The following RGR variants were observed in gnomAD, a reference collection of about 807,000 sequenced individuals.
The protein encoded by RGR is retinal G protein coupled receptor.
A neutral mutation model predicts 28.6 loss-of-function variants in RGR; 30 were observed. The ratio of observed to expected loss-of-function variants is 1.05; its 90% CI spans 0.78 to 1.42. RGR has a LOEUF of 1.42. Among genes scored for constraint, RGR ranks in the 40% most tolerant of loss-of-function variants. The pLI, the probability that RGR is intolerant of heterozygous loss-of-function variation, is 0.00. For missense variants in RGR, 404 were observed against 375.6 expected (o/e 1.08, Z -0.62); for synonymous variants, 180 against 156.4 (o/e 1.15, Z -1.13).
intron 5 of RGR, chr10:84,255,074 C>T (rs933900205): frequency 6.3e-6 from 1 of 158,458 alleles, no homozygotes; most frequent in Non-Finnish European, 1.4e-5. Flanking sequence ...CGCCCTTTAA[C>T]CTCCAATTCC....
intron 3 of RGR, 52 bp from the exon 4 acceptor site, chr10:84,252,805 T>C (rs1842834723): frequency 6.2e-7 from 1 of 1,610,214 alleles, no homozygotes; most frequent in African/African-American, 1.3e-5. Flanking sequence ...TTTCTCACTC[T>C]ATCAGGCCAT....
At chr10:84,253,317 C>A (rs1234149037) in intron 4 of RGR, among the ~76,000 whole-genome samples, 2 of 152,212 alleles carry the variant, frequency 1.3e-5, no homozygotes, top group East Asian at 3.8e-4. Flanking sequence ...CGCACCACCT[C>A]TTAGCCATCT....
chr10:84,254,248 G>A, intron 4 of RGR, 78 bp from the exon 5 acceptor site: 2 of 1,201,888 alleles, frequency 1.7e-6, no homozygotes, highest in South Asian at 2.4e-5. Context: ...GATCATCTAG[G>A]GCAGAGCTGG....
At chr10:84,250,613 G>T (rs1842804523) in intron 3 of RGR, 5 of 615,366 alleles carry the variant, frequency 8.1e-6, no homozygotes, top group South Asian at 1.9e-5. Flanking sequence ...TAATCCCTGT[G>T]CCAGAGGCCT....
At chr10:84,251,852 T>C (rs961432945) in intron 3 of RGR, among the ~76,000 whole-genome samples, 1 of 152,100 alleles carries the variant, frequency 6.6e-6, no homozygotes, top group Non-Finnish European at 1.5e-5. Context: ...GACACAAACA[T>C]TCAGTTCATA....
At chr10:84,253,795 G>C (rs934050812) in intron 4 of RGR, among the ~76,000 whole-genome samples, 3 of 152,152 alleles carry the variant, frequency 2.0e-5, no homozygotes, top group African/African-American at 7.2e-5. Flanking sequence ...CCCCTCCCTG[G>C]TGGACGGCTC....
At chr10:84,254,473 A>G (rs1344466602) in intron 5 of RGR, 30 bp downstream of exon 5, 1 of 1,562,776 alleles carries the variant, frequency 6.4e-7, no homozygotes, top group Admixed American at 1.7e-5. Context: ...GTGTTATCTG[A>G]TGGTGCAGCG....
chr10:84,255,619 C>T (rs572950910), intron 5 of RGR, among the ~76,000 whole-genome samples: 1 of 152,014 alleles, frequency 6.6e-6, no homozygotes, highest in South Asian at 2.1e-4. Flanking sequence ...CCTGGATGAC[C>T]TCTAGCAAAG....
intron 5 of RGR, among the ~76,000 whole-genome samples, chr10:84,257,229 C>T (rs972951276): frequency 6.6e-6 from 1 of 152,200 alleles, no homozygotes; most frequent in Non-Finnish European, 1.5e-5. Context: ...CTTGCGCCCC[C>T]TCATGGCCCC....
At position 84,247,659 on chromosome 10, in the gene RGR, C is replaced by T; in HGVS notation, c.148C>T (p.Pro50Ser). 1 of 1,614,186 alleles carries T rather than the reference C, an allele frequency of 6.2e-7. No individual in the cohort carries two copies. The highest frequency in any genetic ancestry group is 1.7e-5 in the Admixed American group (1 of 60,024). Residue 50 changes from proline to serine, a missense_variant, in exon 2 of 7, where the codon CCC becomes TCC. By Grantham distance (74) the Pro-to-Ser change is moderately conservative. Transcript: ENST00000652092. ...CTGCAAGACCCCGGAGCTGCGGACT[C>T]CCTGCCACCTACTGGTGCTGAGCTT... ...SFCKTPELRTPCHLLVLSLAL... is the reference protein window; with the variant it reads ...SFCKTPELRTSCHLLVLSLAL...
At chr10:84,248,899 C>T (rs761607505) in intron 2 of RGR, 23 bp from the exon 3 acceptor site, 1 of 1,614,216 alleles carries the variant, frequency 6.2e-7, no homozygotes, top group South Asian at 1.1e-5. Flanking sequence ...GGAGAGGTCA[C>T]TGGTGCCCAG....
At chr10:84,248,103 T>G (rs902018728) in intron 2 of RGR, 9 of 600,142 alleles carry the variant, frequency 1.5e-5, no homozygotes, top group Non-Finnish European at 2.4e-5. Context: ...TTGGAAGTAT[T>G]TACTTCTATT....
intron 5 of RGR, 36 bp from the exon 6 acceptor site, chr10:84,257,857 A>T: frequency 6.3e-7 from 1 of 1,597,008 alleles, no homozygotes; most frequent in East Asian, 2.2e-5. Flanking sequence ...GGCCACCTGG[A>T]GCAAGCTGAC....
In RGR at chr10:84,248,982, G is replaced by T; in HGVS notation, c.297G>T (p.Ala99=). The T allele has an allele frequency of 6.2e-7, 1 of 1,614,140 alleles. No individual in the cohort carries two copies. The highest frequency in any genetic ancestry group is 8.5e-7 in the Non-Finnish European group (1 of 1,180,002). ...QAHGFQGFVT[A]LASICSSAAI... ...ACGGCTTCCAGGGCTTTGTGACAGCGTTGGCCAGCATCTGCAGCAGTGCAG... is the reference window on the plus strand; with the variant it reads ...ACGGCTTCCAGGGCTTTGTGACAGCTTTGGCCAGCATCTGCAGCAGTGCAG... Residue 99 remains alanine (A), a synonymous_variant, in exon 3 of 7, where the codon GCG becomes GCT. Transcript: ENST00000652092.
At chr10:84,250,027 G>A (rs940958989) in intron 3 of RGR, among the ~76,000 whole-genome samples, 1 of 152,162 alleles carries the variant, frequency 6.6e-6, no homozygotes, top group African/African-American at 2.4e-5. Context: ...AGACCATCTA[G>A]AACCCTGTTT....
chr10:84,253,603 C>A (rs1186542441), intron 4 of RGR, among the ~76,000 whole-genome samples: 3 of 152,200 alleles, frequency 2.0e-5, no homozygotes, highest in Non-Finnish European at 4.4e-5. Flanking sequence ...GTCACATGGG[C>A]TCCAGCCCCT....
In RGR at chr10:84,249,003, T is replaced by C. The variant is rs143761967; in HGVS notation, c.318T>C (p.Ser106=). The C allele has an allele frequency of 1.2e-3, 1,976 of 1,613,944 alleles. 2 individuals carry two copies. The highest frequency in any genetic ancestry group is 1.5e-3 in the Non-Finnish European group (1,773 of 1,179,968). ...FVTALASICS[S]AAIAWGRYHH... ...CAGCGTTGGCCAGCATCTGCAGCAGTGCAGCCATCGCATGGGGGCGTTATC... is the reference window on the plus strand; with the variant it reads ...CAGCGTTGGCCAGCATCTGCAGCAGCGCAGCCATCGCATGGGGGCGTTATC... The change falls in exon 3 of 7, where the codon AGT becomes AGC. Residue 106 remains serine, a synonymous_variant. Transcript: ENST00000652092.
rs754724090 is a variant in RGR, at chr10:84,257,912, C to G, written c.650C>G (p.Ala217Gly). The stretch of plus-strand genomic sequence containing the variant: ...CCCCAGGTAAACACCACTCTGCCAG[C>G]AAGGACGCTGCTGCTCGGCTGGGGC... ...GHLQVNTTLPARTLLLGWGPY... is the reference protein window; with the variant it reads ...GHLQVNTTLPGRTLLLGWGPY... Residue 217 changes from alanine to glycine, a missense_variant, in exon 6 of 7, where the codon GCA becomes GGA. Transcript: ENST00000652092. 3.7e-6 allele frequency: 6 copies of G among 1,614,126 alleles called. No individual in the cohort carries two copies. Among genetic ancestry groups the G allele is most frequent in the Non-Finnish European group, 4.2e-6 (5 of 1,180,020 alleles).
intron 3 of RGR, among the ~76,000 whole-genome samples, 187 bp from the exon 4 acceptor site, chr10:84,252,670 C>T (rs1842833339): frequency 6.6e-6 from 1 of 152,156 alleles, no homozygotes. Flanking sequence ...TAGACCGTAA[C>T]ACAGGGATAA....
Sources: gnomAD v4.1 joint callset for allele counts (sites outside exome capture counted in the v4.1 genomes callset) on GRCh38, gnomAD v4.1.1 for gene constraint, MANE v1.5 for transcripts, NCBI Gene and HGNC (gene_info 2026-07-23, HGNC 2026-07-21) for gene names.